GTF2E1: variants seen among roughly 807,000 people sequenced by gnomAD.
GTF2E1 encodes the protein general transcription factor IIE subunit 1, also known as TFIIE alpha subunit.
In GTF2E1, 14 loss-of-function variants were observed where a neutral mutation model predicts 34.9. The observed-to-expected ratio is 0.40, with a 90% CI of 0.27 to 0.63. GTF2E1 has a LOEUF of 0.63. Among genes scored for constraint, GTF2E1 ranks in the 20% least tolerant of loss-of-function variants. GTF2E1 has a pLI of 0.39. For synonymous variants in GTF2E1, 188 were observed against 192.9 expected, an observed-to-expected ratio of 0.97 and a Z score of 0.21; for missense variants, 469 against 557.7, an observed-to-expected ratio of 0.84 and a Z score of 1.60.
intron 2 of GTF2E1, among the ~76,000 whole-genome samples, chr3:120,758,797 C>T (rs1709232396): frequency 6.6e-6 from 1 of 152,216 alleles, no homozygotes; most frequent in Non-Finnish European, 1.5e-5. Context: ...ATATGTGCCA[C>T]ATTTTCTTAA....
At chr3:120,757,483 A>G (rs1203660645) in intron 2 of GTF2E1, among the ~76,000 whole-genome samples, 3 of 152,134 alleles carry the variant, frequency 2.0e-5, no homozygotes, top group Non-Finnish European at 4.4e-5. Flanking sequence ...GAATTTTTAT[A>G]AGATGATTTT....
Position 120,781,172 on chromosome 3 carries a change from G to C in GTF2E1, c.1022G>C (p.Gly341Ala). The C allele has an allele frequency of 1.9e-6, 3 of 1,614,056 alleles. No individual in the cohort carries two copies. The highest frequency in any genetic ancestry group is 2.5e-6 in the Non-Finnish European group (3 of 1,179,992). Residue 341 changes from glycine to alanine, a missense_variant, in exon 5 of 5, where the codon GGG becomes GCG. By Grantham distance (60) the Gly-to-Ala change is moderately conservative. Coordinates refer to ENST00000283875, the MANE Select transcript of GTF2E1 (RefSeq NM_005513.3). ...KTSSAMAGSV[G>A]AAAPVTAANG... ...TCCTCTGCCATGGCTGGTTCAGTGG[G>C]GGCAGCTGCTCCAGTGACCGCTGCC...
At chr3:120,749,668 A>T (rs969451109) in intron 1 of GTF2E1, 3 of 152,136 alleles carry the variant, frequency 2.0e-5, no homozygotes, top group Non-Finnish European at 2.9e-5. Context: ...CCAGTATTTT[A>T]TTGAGGATTT....
intron 2 of GTF2E1, among the ~76,000 whole-genome samples, chr3:120,766,643 T>A (rs1709311556): frequency 6.6e-6 from 1 of 152,120 alleles, no homozygotes; most frequent in South Asian, 2.1e-4. Flanking sequence ...ACCTTCTCAA[T>A]AAGCTTTTCC....
In GTF2E1 at chr3:120,743,274, T is replaced by C. The variant is rs1338659494; in HGVS notation, c.-31+480T>C. 2.0e-5 allele frequency among the ~76,000 whole-genome samples: 3 copies of C among 152,194 alleles called. No individual in the cohort carries two copies. In the East Asian group the frequency reaches 5.8e-4, roughly 29 times the overall value. ...GGTCTCTTCGCATCCACTTTTCTTG[T>C]TTTTTTCTCCACTCTGCAGTCAGTA... On this transcript the variant is annotated intron_variant, in intron 1 of 4. Transcript: ENST00000283875.
rs1709401817 is a variant in GTF2E1 at position 120,776,517 on chromosome 3, T to C, written c.745T>C (p.Leu249=). 2 of 1,613,842 alleles carry C rather than the reference T, an allele frequency of 1.2e-6. No homozygotes were observed. Among genetic ancestry groups the C allele is most frequent in the East Asian group, 4.5e-5 (2 of 44,862 alleles). Reference sequence around the variant, plus strand: ...CACCAAAGGTCCTTCCTATGAAGACTTATACACTCAGAATGTTGTCATTAA... The same window carrying C: ...CACCAAAGGTCCTTCCTATGAAGACCTATACACTCAGAATGTTGTCATTAA... The part of the protein sequence containing the change: ...WATKGPSYED[L]YTQNVVINMD... The change falls in exon 4 of 5, where the codon TTA becomes CTA. Residue 249 remains leucine, a synonymous_variant. Coordinates refer to ENST00000283875, the MANE Select transcript of GTF2E1 (RefSeq NM_005513.3).
chr3:120,763,177 T>C (rs916277427), intron 2 of GTF2E1, among the ~76,000 whole-genome samples: 4 of 152,224 alleles, frequency 2.6e-5, no homozygotes, highest in Non-Finnish European at 5.9e-5. Flanking sequence ...TGATTCTGCA[T>C]GCTGAGATGA....
Position 120,776,460 on chromosome 3 carries a change from C to A in GTF2E1, c.688C>A (p.Leu230Ile). 6.2e-7 allele frequency: 1 copy of A among 1,613,516 alleles called. No individual in the cohort carries two copies. Among genetic ancestry groups the A allele is most frequent in the Non-Finnish European group, 8.5e-7 (1 of 1,179,682 alleles). ...AGCAACTACTGCTGGAGCTGCTAGC[C>A]TAGCAGGTGGGCACCACCGGGAAGC... ...HAATTAGAAS[L>I]AGGHHREAWA... The change falls in exon 4 of 5, where the codon CTA becomes ATA. Residue 230 changes from leucine to isoleucine, a missense_variant. Transcript: ENST00000283875.
At chr3:120,778,471 C>T (rs1407414819) in intron 4 of GTF2E1, among the ~76,000 whole-genome samples, 1 of 152,166 alleles carries the variant, frequency 6.6e-6, no homozygotes, top group Admixed American at 6.5e-5. Context: ...GTATCGACTT[C>T]AATCATGTTC....
chr3:120,750,697 C>T lies in GTF2E1; in HGVS notation c.145C>T (p.Leu49=). ...RNSCVKEEDM[L]ELLKFDRKQL... is the part of the protein sequence containing the mutation. ...CTCCTGTGTGAAAGAGGAGGATATG[C>T]TGGAGCTGCTCAAGTTTGATCGGAA... Residue 49 remains leucine (L), a synonymous_variant, in exon 2 of 5, where the codon CTG becomes TTG. Coordinates refer to ENST00000283875, the MANE Select transcript of GTF2E1 (RefSeq NM_005513.3). The T allele has an allele frequency of 6.2e-7, 1 of 1,614,032 alleles. No individual in the cohort carries two copies. The highest frequency in any genetic ancestry group is 8.5e-7 in the Non-Finnish European group (1 of 1,179,942).
intron 2 of GTF2E1, among the ~76,000 whole-genome samples, chr3:120,765,882 TTC>T (rs1709303371): frequency 6.6e-6 from 1 of 152,218 alleles, no homozygotes; most frequent in East Asian, 1.9e-4. Flanking sequence ...AGCCTTCATT[TTC>T]TCTCTGTTGC....
At chr3:120,771,285 G>A (rs1437581507) in intron 3 of GTF2E1, among the ~76,000 whole-genome samples, 3 of 152,096 alleles carry the variant, frequency 2.0e-5, no homozygotes, top group African/African-American at 7.2e-5. Flanking sequence ...GAAGGCTGAA[G>A]GCCTTTAAGG....
In GTF2E1 at chr3:120,781,753, T is replaced by C; in HGVS notation, c.*283T>C. On this transcript the variant is annotated 3_prime_UTR_variant, in exon 5 of 5. Coordinates refer to ENST00000283875, the MANE Select transcript of GTF2E1 (RefSeq NM_005513.3). ...TTTTGGAGATGAAGTCTCACTCTTG[T>C]ACCCCAGGCTGGAGTGCAATGGCGT... 3.8e-6 allele frequency: 1 copy of C among 264,076 alleles called. No homozygotes were observed. The allele number at this position is 264,076 out of a possible 1,614,324, so 16.4% of individuals were successfully genotyped here.
Position 120,750,909 on chromosome 3 carries a change from A to G in GTF2E1, c.357A>G (p.Arg119=). The G allele has an allele frequency of 6.2e-7, 1 of 1,613,970 alleles. No homozygotes were observed. Among genetic ancestry groups the G allele is most frequent in the Non-Finnish European group, 8.5e-7 (1 of 1,179,880 alleles). ...HMRRRIETDE[R]DSTNRASFKC... is the part of the protein sequence containing the mutation. Reference sequence around the variant, plus strand: ...GAAGAAGAATTGAGACCGATGAGAGAGATTCGACCAACCGGGCTTCCTTCA... The same window carrying G: ...GAAGAAGAATTGAGACCGATGAGAGGGATTCGACCAACCGGGCTTCCTTCA... Residue 119 remains arginine (R), a synonymous_variant, in exon 2 of 5, where the codon AGA becomes AGG. Transcript: ENST00000283875.
Position 120,748,393 on chromosome 3 carries a change from T to G in GTF2E1, c.-30-2130T>G, listed in dbSNP as rs1267401547. On this transcript the variant is annotated intron_variant, in intron 1 of 4. Transcript: ENST00000283875. ...GTTTTTATGGTTTTAGGTCTAACAT[T>G]TAAGTCTTTAACCCGTCTTGAATTA... is the stretch of plus-strand genomic sequence containing the variant. Among the ~76,000 whole-genome samples the G allele has an allele frequency of 5.3e-5, 8 of 152,198 alleles. No individual in the cohort carries two copies. In the South Asian group the frequency reaches 1.4e-3, roughly 28 times the overall value.
intron 2 of GTF2E1, among the ~76,000 whole-genome samples, chr3:120,765,231 G>A (rs577549553): frequency 1.5e-4 from 22 of 151,628 alleles, no homozygotes; most frequent in African/African-American, 5.1e-4. Flanking sequence ...TATAAAATTG[G>A]GACATTCCTA....
chr3:120,761,793 T>G (rs1042470640), intron 2 of GTF2E1, among the ~76,000 whole-genome samples: 1 of 114,132 alleles, frequency 8.8e-6, no homozygotes, highest in Non-Finnish European at 2.2e-5. Context: ...GACATTTTTT[T>G]TTTTTTTTTT....
chr3:120,768,040 A>G (rs990387767), intron 2 of GTF2E1, among the ~76,000 whole-genome samples: 3 of 152,162 alleles, frequency 2.0e-5, no homozygotes. Flanking sequence ...TTTGGAGTAC[A>G]TATTGTCTTA....
rs1374675968 is a variant in GTF2E1 at position 120,764,683 on chromosome 3, C to G, written c.449-6045C>G. On this transcript the variant is annotated intron_variant, in intron 2 of 4. Transcript: ENST00000283875. ...GATTTGACTAATAATGTCTTCTGCC[C>G]TAGTGTCACGTATCTGTGTCCTTTT... Among the ~76,000 whole-genome samples the G allele has an allele frequency of 2.0e-5, 3 of 152,290 alleles. No homozygotes were observed. In the East Asian group the frequency reaches 5.8e-4, roughly 29 times the overall value.
Sources: allele counts gnomAD v4.1 joint callset (sites outside exome capture counted in the v4.1 genomes callset), GRCh38; gene constraint gnomAD v4.1.1; transcripts MANE v1.5; gene names NCBI Gene and HGNC (gene_info 2026-07-23, HGNC 2026-07-21).